Variants in MAP2K5 observed in about 807,000 individuals in gnomAD.
The protein encoded by MAP2K5 is mitogen-activated protein kinase kinase 5.
A neutral mutation model predicts 83.1 loss-of-function variants in MAP2K5; 49 were observed. That is an observed-to-expected ratio of 0.59 (90% CI 0.47 to 0.75). MAP2K5 has a LOEUF of 0.75. Ranked by LOEUF, MAP2K5 falls within the 30% of genes least tolerant of loss-of-function variation. The pLI is 0.00. For missense variants in MAP2K5, 457 were observed against 557.5 expected (o/e 0.82, Z 1.82); for synonymous variants, 202 against 191.8 (o/e 1.05, Z -0.44).
At position 67,775,529 on chromosome 15, in the gene MAP2K5, A is replaced by G. The variant is rs192712149; in HGVS notation, c.1242+2777A>G. Among the ~76,000 whole-genome samples the G allele has an allele frequency of 6.6e-6, 1 of 152,380 alleles. No individual in the cohort carries two copies. The highest frequency in any genetic ancestry group is 2.4e-5 in the African/African-American group (1 of 41,592). Reference sequence around the variant, plus strand: ...TAAATAATTGAATTTGTTAGTTGATATACCATTGTGCACAGTCTTGTTCTA... The same window carrying G: ...TAAATAATTGAATTTGTTAGTTGATGTACCATTGTGCACAGTCTTGTTCTA... On this transcript the variant is annotated intron_variant, in intron 21 of 21. Coordinates refer to ENST00000178640, the MANE Select transcript of MAP2K5 (RefSeq NM_145160.3). The surrounding 1 kb of genome is among the most constrained non-coding windows in gnomAD (Gnocchi z 5.3).
At position 67,543,040 on chromosome 15, in the gene MAP2K5, A is replaced by C; in HGVS notation, c.-296A>C. On this transcript the variant is annotated 5_prime_UTR_variant, in exon 1 of 22. Coordinates refer to ENST00000178640, the MANE Select transcript of MAP2K5 (RefSeq NM_145160.3). The surrounding 1 kb of genome is among the most constrained non-coding windows in gnomAD (Gnocchi z 4.3). The stretch of plus-strand genomic sequence containing the variant: ...ACACGGCGGCAGAGACCTTCACCAT[A>C]GCGTTCGCTCAACTCCAGAACCTTC... 2 of 430,674 alleles carry C rather than the reference A, an allele frequency of 4.6e-6. No homozygotes were observed. The highest frequency in any genetic ancestry group is 4.3e-5 in the East Asian group (1 of 23,324). 26.7% of individuals were successfully genotyped at this position (430,674 alleles called of 1,614,324 possible).
chr15:67,563,176 GT>G lies in MAP2K5; in HGVS notation c.185-106del. On this transcript the variant is annotated intron_variant, in intron 2 of 21. Transcript: ENST00000178640. This position sits in a 1 kb window ranked among gnomAD's most constrained non-coding sequence, Gnocchi z 4.5. The stretch of plus-strand genomic sequence containing the variant: ...AATGTCAACATACCCCCAAAATGTG[GT>G]GTTGAGGGTTAGAATATCACATTGT... 8.5e-7 allele frequency: 1 copy of G among 1,175,048 alleles called. No homozygotes were observed. Among genetic ancestry groups the G allele is most frequent in the Non-Finnish European group, 1.1e-6 (1 of 870,866 alleles). 72.8% of individuals were successfully genotyped at this position (1,175,048 alleles called of 1,614,324 possible). A position where few individuals can be genotyped will look rare whatever the true frequency, so the allele number is the denominator to read the frequency against.
intron 8 of MAP2K5, among the ~76,000 whole-genome samples, chr15:67,610,756 G>A (rs2085901598): frequency 6.6e-6 from 1 of 152,012 alleles, no homozygotes; most frequent in African/African-American, 2.4e-5. Flanking sequence ...ATTTGAGGGG[G>A]AATAGCAGTA....
chr15:67,567,349 C>T (rs1307637966), intron 3 of MAP2K5, among the ~76,000 whole-genome samples: 2 of 150,952 alleles, frequency 1.3e-5, no homozygotes, highest in Non-Finnish European at 3.0e-5. Flanking sequence ...TTAATTCCTC[C>T]ATAAAGTTTT....
rs369824860 is a variant in MAP2K5 at position 67,758,833 on chromosome 15, A to G, written c.1134+10232A>G. On this transcript the variant is annotated intron_variant, in intron 19 of 21. Transcript: ENST00000178640. The surrounding 1 kb of genome is among the most constrained non-coding windows in gnomAD (Gnocchi z 4.7). ...CAAAGGGTAAGGTTCCTTACATTAT[A>G]CTATCACTGATTTGAAGAAAGTACA... is the stretch of plus-strand genomic sequence containing the variant. Among the ~76,000 whole-genome samples, 25 of 152,330 alleles carry G rather than the reference A, an allele frequency of 1.6e-4. No homozygotes were observed. The highest frequency in any genetic ancestry group is 6.0e-4 in the African/African-American group (25 of 41,578).
intron 11 of MAP2K5, among the ~76,000 whole-genome samples, chr15:67,654,679 A>C (rs2087027508): frequency 6.6e-6 from 1 of 152,094 alleles, no homozygotes; most frequent in African/African-American, 2.4e-5. Flanking sequence ...TGTGTTTTTG[A>C]GTTATATTCT....
At chr15:67,692,574 T>G in intron 14 of MAP2K5, 22 bp downstream of exon 14, 1 of 1,584,618 alleles carries the variant, frequency 6.3e-7, no homozygotes, top group Non-Finnish European at 8.7e-7. Flanking sequence ...TTCCTCCCAG[T>G]GTACTGTTTT....
rs962947385 is a variant in MAP2K5, at chr15:67,562,289, T to C, written c.185-994T>C. Among the ~76,000 whole-genome samples, 8 of 152,226 alleles carry C rather than the reference T, an allele frequency of 5.3e-5. No individual in the cohort carries two copies. Among genetic ancestry groups the C allele is most frequent in the African/African-American group, 1.9e-4 (8 of 41,462 alleles). On this transcript the variant is annotated intron_variant, in intron 2 of 21. Transcript: ENST00000178640. The surrounding 1 kb of genome is among the most constrained non-coding windows in gnomAD (Gnocchi z 4.1). Reference sequence around the variant, plus strand: ...TTAACTATATATTTGGAAATAGCCATAAGTCATTCTTAGACATGCTTGGCA... The same window carrying C: ...TTAACTATATATTTGGAAATAGCCACAAGTCATTCTTAGACATGCTTGGCA...
Position 67,698,886 on chromosome 15 carries a change from G to A in MAP2K5, c.973-4451G>A, listed in dbSNP as rs1218875490. 2.0e-5 allele frequency among the ~76,000 whole-genome samples: 3 copies of A among 152,190 alleles called. No individual in the cohort carries two copies. Among genetic ancestry groups the A allele is most frequent in the Non-Finnish European group, 4.4e-5 (3 of 68,026 alleles). ...GCATTCCCATGTGGCACGTACTGAA[G>A]CACATTACGGGATTCATTTAATCTT... On this transcript the variant is annotated intron_variant, in intron 15 of 21. Transcript: ENST00000178640. The surrounding 1 kb of genome is among the most constrained non-coding windows in gnomAD (Gnocchi z 4.5).
intron 16 of MAP2K5, among the ~76,000 whole-genome samples, chr15:67,704,192 A>G (rs1353403278): frequency 6.6e-6 from 1 of 152,232 alleles, no homozygotes; most frequent in Non-Finnish European, 1.5e-5. Flanking sequence ...TAGAACCTGT[A>G]TACTGACCAG....
At chr15:67,591,562 G>A (rs927325058) in intron 6 of MAP2K5, among the ~76,000 whole-genome samples, 1 of 150,698 alleles carries the variant, frequency 6.6e-6, no homozygotes, top group Non-Finnish European at 1.5e-5. Flanking sequence ...GTAGAGACAG[G>A]GTTTCACCGT....
intron 11 of MAP2K5, among the ~76,000 whole-genome samples, chr15:67,650,988 G>A (rs2141127715): frequency 6.6e-6 from 1 of 152,312 alleles, no homozygotes; most frequent in Non-Finnish European, 1.5e-5. Flanking sequence ...GCCAAGGCAG[G>A]TGGATCACTG....
At position 67,702,506 on chromosome 15, in the gene MAP2K5, C is replaced by T. The variant is rs2088445911; in HGVS notation, c.973-831C>T. Among the ~76,000 whole-genome samples, 1 of 152,180 alleles carries T rather than the reference C, an allele frequency of 6.6e-6. No homozygotes were observed. The highest frequency in any genetic ancestry group is 1.5e-5 in the Non-Finnish European group (1 of 68,034). On this transcript the variant is annotated intron_variant, in intron 15 of 21. Coordinates refer to ENST00000178640, the MANE Select transcript of MAP2K5 (RefSeq NM_145160.3). The surrounding 1 kb of genome is among the most constrained non-coding windows in gnomAD (Gnocchi z 4.6). ...TAGCAATCATTCCACCTTTGTGAGA[C>T]CTCCGTTTCTCTTATTCATTTGTTC...
intron 21 of MAP2K5, among the ~76,000 whole-genome samples, chr15:67,797,201 C>G (rs2090619981): frequency 6.6e-6 from 1 of 152,146 alleles, no homozygotes; most frequent in Admixed American, 6.5e-5. Flanking sequence ...TTTCATTGTC[C>G]CCTTGTTTTT....
rs1382125545 is a variant in MAP2K5 at position 67,717,069 on chromosome 15, G to A, written c.1045-10847G>A. 1.3e-5 allele frequency among the ~76,000 whole-genome samples: 2 copies of A among 152,178 alleles called. No homozygotes were observed. The highest frequency in any genetic ancestry group is 4.8e-5 in the African/African-American group (2 of 41,440). ...GATTCAAGTCTGCTTCTTCCATTATGCTTTAGGAAAGTAGATCAAGTAGTT... is the reference window on the plus strand; with the variant it reads ...GATTCAAGTCTGCTTCTTCCATTATACTTTAGGAAAGTAGATCAAGTAGTT... On this transcript the variant is annotated intron_variant, in intron 16 of 21. Transcript: ENST00000178640. This position sits in a 1 kb window ranked among gnomAD's most constrained non-coding sequence, Gnocchi z 4.1.
At chr15:67,664,782 A>T in intron 13 of MAP2K5, 137 bp downstream of exon 13, 1 of 508,340 alleles carries the variant, frequency 2.0e-6, no homozygotes, top group Non-Finnish European at 3.5e-6. Context: ...GCTGCTCTAT[A>T]AATGTTATTT....
At chr15:67,693,259 G>A (rs778948185) in intron 14 of MAP2K5, among the ~76,000 whole-genome samples, 10 of 152,224 alleles carry the variant, frequency 6.6e-5, no homozygotes, top group African/African-American at 2.2e-4. Flanking sequence ...ATACTAAAGC[G>A]ATAAGTATCC....
intron 16 of MAP2K5, among the ~76,000 whole-genome samples, chr15:67,706,675 G>A (rs890264593): frequency 6.6e-5 from 10 of 152,130 alleles, no homozygotes; most frequent in Non-Finnish European, 1.3e-4. Context: ...AGGAACTATA[G>A]GATTGTAGCC....
rs576294395 is a variant in MAP2K5 at position 67,722,892 on chromosome 15, A to G, written c.1045-5024A>G. Among the ~76,000 whole-genome samples the G allele has an allele frequency of 2.0e-5, 3 of 152,222 alleles. No homozygotes were observed. The South Asian group carries it at 6.2e-4, about 32-fold the overall frequency. The stretch of plus-strand genomic sequence containing the variant: ...GAACATTTCAGACTATAAAGTTGTC[A>G]TTCAGCTAGATCACTGGCTATATTG... On this transcript the variant is annotated intron_variant, in intron 16 of 21. Transcript: ENST00000178640. This position sits in a 1 kb window ranked among gnomAD's most constrained non-coding sequence, Gnocchi z 4.2.
Sources: allele counts gnomAD v4.1 joint callset (sites outside exome capture counted in the v4.1 genomes callset), GRCh38; gene constraint gnomAD v4.1.1; non-coding constraint Gnocchi (gnomAD v3.1); transcripts MANE v1.5; gene names NCBI Gene and HGNC (gene_info 2026-07-23, HGNC 2026-07-21).